Variants in AASDH observed in about 807,000 individuals in gnomAD.
AASDH encodes aminoadipate-semialdehyde dehydrogenase.
Under a neutral mutation model 102.3 loss-of-function variants are expected in AASDH, and 81 were observed. The ratio of observed to expected loss-of-function variants is 0.79; its 90% CI spans 0.66 to 0.95. AASDH has a LOEUF of 0.95. Ranked by LOEUF, AASDH falls within the 40% of genes least tolerant of loss-of-function variation. AASDH has a pLI of 0.00. For missense variants in AASDH, 1,203 were observed against 1,266.2 expected, an observed-to-expected ratio of 0.95 and a Z score of 0.76; for synonymous variants, 398 against 454.0, an observed-to-expected ratio of 0.88 and a Z score of 1.57.
rs1468866209 is a variant in AASDH, at chr4:56,351,277, T to C, written c.1692+65A>G. On this transcript the variant is annotated intron_variant, in intron 10 of 14. Coordinates refer to ENST00000205214, the MANE Select transcript of AASDH (RefSeq NM_181806.4). The stretch of plus-strand genomic sequence containing the variant: ...AATTTTATCCAACTTGTTAGGATAA[T>C]AGCAGTCCCTAAAGATATAAAACGA... 5.1e-6 allele frequency: 5 copies of C among 987,192 alleles called. No homozygotes were observed. The Admixed American group carries it at 6.8e-5, about 13-fold the overall frequency. 61.2% of individuals were successfully genotyped at this position (987,192 alleles called of 1,614,324 possible).
intron 5 of AASDH, among the ~76,000 whole-genome samples, chr4:56,369,321 C>T (rs1194402629): frequency 6.6e-6 from 1 of 152,114 alleles, no homozygotes; most frequent in East Asian, 1.9e-4. Flanking sequence ...TCAAATCTAT[C>T]AAGGAACTTT....
chr4:56,373,041 G>A (rs1401344418), intron 4 of AASDH, among the ~76,000 whole-genome samples: 1 of 152,186 alleles, frequency 6.6e-6, no homozygotes, highest in African/African-American at 2.4e-5. Context: ...TTTCTGGAAT[G>A]AGTCTTATGT....
At chr4:56,366,856 G>A (rs1175235654) in intron 5 of AASDH, among the ~76,000 whole-genome samples, 2 of 150,724 alleles carry the variant, frequency 1.3e-5, no homozygotes, top group Non-Finnish European at 3.0e-5. Context: ...ACATAGTGTT[G>A]GAAGTTCTGG....
rs1578091855 is a variant in AASDH at position 56,384,332 on chromosome 4, G to C, written c.-33C>G. 2 of 1,590,906 alleles carry C rather than the reference G, an allele frequency of 1.3e-6. No individual in the cohort carries two copies. Among genetic ancestry groups the C allele is most frequent in the Non-Finnish European group, 1.7e-6 (2 of 1,159,858 alleles). On this transcript the variant is annotated 5_prime_UTR_variant, in exon 2 of 15. Transcript: ENST00000205214. ...AAGTTTATCTAAACATCAATTTGTA[G>C]CACAGAACCCTGTGTATATACAGAA...
Position 56,382,547 on chromosome 4 carries a change from G to A in AASDH, c.281C>T (p.Pro94Leu), listed in dbSNP as rs776839976. The A allele has an allele frequency of 1.1e-5, 18 of 1,609,842 alleles. No homozygotes were observed. Among genetic ancestry groups the A allele is most frequent in the South Asian group, 8.8e-5 (8 of 90,592 alleles). Reference sequence around the variant, plus strand: ...TTTCATAAAATGAGTTGATAATGACGGTGGTGAATCTGGCTCGATAGGTAC... The same window carrying A: ...TTTCATAAAATGAGTTGATAATGACAGTGGTGAATCTGGCTCGATAGGTAC... ...AYVPIEPDSP[P>L]SLSTHFMKKC... The change falls in exon 3 of 15, where the codon CCG (proline) becomes CTG (leucine). Residue 94 changes from proline to leucine, a missense_variant. Transcript: ENST00000205214.
chr4:56,384,821 C>G (rs991806503), intron 1 of AASDH, among the ~76,000 whole-genome samples: 6 of 152,172 alleles, frequency 3.9e-5, no homozygotes, highest in Admixed American at 3.9e-4. Context: ...CACCTGTAAT[C>G]CCAGCACTTC....
At position 56,338,494 on chromosome 4, in the gene AASDH, A is replaced by G. The variant is rs1325856238; in HGVS notation, c.3205T>C (p.Ser1069Pro). Residue 1069 changes from serine (S) to proline (P), a missense_variant, in exon 15 of 15, where the codon TCT (serine) becomes CCT (proline). By Grantham distance (74) the Ser-to-Pro change is moderately conservative (BLOSUM62 -1). Coordinates refer to ENST00000205214, the MANE Select transcript of AASDH (RefSeq NM_181806.4). ...ATTGATTCCAGGACCACAGGAGAAG[A>G]GAAGACTTCTCCAGGAAGTTCATAA... is the stretch of plus-strand genomic sequence containing the variant. ...SVYELPGEVFSSPVVLESMLI... is the reference protein window; with the variant it reads ...SVYELPGEVFPSPVVLESMLI... 7.4e-6 allele frequency: 12 copies of G among 1,613,916 alleles called. No individual in the cohort carries two copies. The highest frequency in any genetic ancestry group is 9.3e-6 in the Non-Finnish European group (11 of 1,179,874).
chr4:56,366,573 A>T (rs532637484), intron 5 of AASDH, among the ~76,000 whole-genome samples: 1 of 152,358 alleles, frequency 6.6e-6, no homozygotes, highest in South Asian at 2.1e-4. Flanking sequence ...AATATATGCA[A>T]ATCAATAAAC....
chr4:56,341,086 G>A (rs1216867058), intron 14 of AASDH, among the ~76,000 whole-genome samples: 1 of 152,130 alleles, frequency 6.6e-6, no homozygotes, highest in East Asian at 1.9e-4. Context: ...TAGTCATTGT[G>A]GAAAACAGTA....
intron 4 of AASDH, among the ~76,000 whole-genome samples, chr4:56,377,615 A>G (rs923684313): frequency 6.6e-6 from 1 of 152,200 alleles, no homozygotes; most frequent in Admixed American, 6.5e-5. Flanking sequence ...TAATCATATC[A>G]TTTGTTTGTT....
At chr4:56,361,778 C>T (rs1750327575) in intron 5 of AASDH, among the ~76,000 whole-genome samples, 1 of 152,016 alleles carries the variant, frequency 6.6e-6, no homozygotes. Context: ...CAAGACCAGC[C>T]TGGGCAACAC....
chr4:56,383,408 G>T (rs1042277636), intron 2 of AASDH, among the ~76,000 whole-genome samples: 14 of 152,258 alleles, frequency 9.2e-5, no homozygotes, highest in African/African-American at 3.1e-4. Context: ...GTGAGCCACT[G>T]TGCCTGGCCA....
At position 56,354,151 on chromosome 4, in the gene AASDH, C is replaced by T. The variant is rs1401606710; in HGVS notation, c.1271G>A (p.Arg424Gln). 2.5e-6 allele frequency: 4 copies of T among 1,612,328 alleles called. No individual in the cohort carries two copies. The highest frequency in any genetic ancestry group is 4.5e-5 in the East Asian group (2 of 44,844). ...CACAGTCACAAAGTCTCCTGTAGCT[C>T]GCATTGTGCCAAGTGGTACTGTCAC... ...DEVTVPLGTM[R>Q]ATGDFVTVKD... Residue 424 changes from arginine (R) to glutamine (Q), a missense_variant, in exon 8 of 15, where the codon CGA (arginine) becomes CAA (glutamine). Transcript: ENST00000205214.
chr4:56,355,594 T>TGTTTTTTTTTTTTTTTTTTTTTTG (rs386400123), intron 5 of AASDH, among the ~76,000 whole-genome samples, 171 bp from the exon 6 acceptor site: 4 of 17,130 alleles, frequency 2.3e-4, no homozygotes, highest in African/African-American at 6.1e-4. Context: ...TATCTTCTTG[T>TGTTTTTTTTTTTTTTTTTTTTTTG]TTTTTTTTTT....
In AASDH at chr4:56,354,219, A is replaced by G; in HGVS notation, c.1211-8T>C. 1.3e-6 allele frequency: 2 copies of G among 1,551,238 alleles called. No homozygotes were observed. The highest frequency in any genetic ancestry group is 1.7e-6 in the Non-Finnish European group (2 of 1,147,188). On this transcript the variant is annotated splice_region_variant and splice_polypyrimidine_tract_variant and intron_variant, in intron 7 of 14. Transcript: ENST00000205214. Reference sequence around the variant, plus strand: ...ACACTCTGTTTCTGCCACCTTCCCAAGATATAAACACCAATGTCATAAAAA... The same window carrying G: ...ACACTCTGTTTCTGCCACCTTCCCAGGATATAAACACCAATGTCATAAAAA...
intron 8 of AASDH, 73 bp downstream of exon 8, chr4:56,353,966 C>A: frequency 7.3e-7 from 1 of 1,371,340 alleles, no homozygotes; most frequent in Non-Finnish European, 9.7e-7. Context: ...GAGACCCCAG[C>A]ACAGAAAATT....
intron 5 of AASDH, chr4:56,356,464 A>C (rs1749652673): frequency 6.4e-7 from 1 of 1,566,516 alleles, no homozygotes; most frequent in East Asian, 2.3e-5. Flanking sequence ...CAAGAGAAGA[A>C]GCAGAGGCTG....
At chr4:56,366,672 C>A (rs1412908275) in intron 5 of AASDH, among the ~76,000 whole-genome samples, 5 of 149,656 alleles carry the variant, frequency 3.3e-5, no homozygotes, top group Admixed American at 6.7e-5. Context: ...ATTCAACAAC[C>A]CTTCATGCTA....
intron 13 of AASDH, 31 bp downstream of exon 13, chr4:56,343,531 A>G: frequency 6.6e-7 from 1 of 1,522,648 alleles, no homozygotes; most frequent in Non-Finnish European, 8.8e-7. Flanking sequence ...AAGAAAAGTA[A>G]TAAAATCAAT....
Sources: allele counts gnomAD v4.1 joint callset (sites outside exome capture counted in the v4.1 genomes callset), GRCh38; gene constraint gnomAD v4.1.1; transcripts MANE v1.5; gene names NCBI Gene and HGNC (gene_info 2026-07-23, HGNC 2026-07-21).